The following ROBO2 variants were observed in gnomAD, a reference collection of about 807,000 sequenced individuals.
The protein encoded by ROBO2 is roundabout homolog 2.
A neutral mutation model predicts 160.8 loss-of-function variants in ROBO2; 53 were observed. The ratio of observed to expected loss-of-function variants is 0.33; its 90% confidence interval spans 0.26 to 0.41. The LOEUF (loss-of-function observed/expected upper bound fraction) is 0.41. ROBO2 is among the 10% of genes least tolerant of loss of function. The pLI is 1.00. For missense variants in ROBO2, 1,577 were observed against 1,722.4 expected (o/e 0.92, Z 1.49); for synonymous variants, 664 against 611.7 (o/e 1.09, Z -1.26).
intron 2 of ROBO2, among the ~76,000 whole-genome samples, chr3:76,493,097 C>T (rs2079923856): frequency 6.6e-6 from 1 of 151,870 alleles, no homozygotes; most frequent in African/African-American, 2.4e-5. Context: ...TGTTTTTGCA[C>T]ATATGCATAG....
At chr3:76,834,914 G>A (rs1422190107) in intron 2 of ROBO2, among the ~76,000 whole-genome samples, 1 of 152,116 alleles carries the variant, frequency 6.6e-6, no homozygotes, top group Non-Finnish European at 1.5e-5. Context: ...TGTTTACAGA[G>A]TTCCTGTGGA....
At chr3:76,746,642 C>T (rs996103135) in intron 2 of ROBO2, among the ~76,000 whole-genome samples, 3 of 152,192 alleles carry the variant, frequency 2.0e-5, no homozygotes, top group Non-Finnish European at 4.4e-5. Flanking sequence ...AGCAGCACAT[C>T]AAAAAGCTTA....
chr3:76,029,403 A>G (rs2066845471), intron 2 of ROBO2, among the ~76,000 whole-genome samples: 1 of 152,102 alleles, frequency 6.6e-6, no homozygotes, highest in Non-Finnish European at 1.5e-5. Flanking sequence ...TCTAGGGTAC[A>G]TGTGCACAAT....
intron 2 of ROBO2, among the ~76,000 whole-genome samples, chr3:77,341,469 G>A (rs75699880): frequency 1.3e-5 from 2 of 152,082 alleles, no homozygotes; most frequent in Non-Finnish European, 2.9e-5. Flanking sequence ...TAAGTCTAAT[G>A]TATTTTACTG....
chr3:76,787,633 A>T (rs1347632935), intron 2 of ROBO2, among the ~76,000 whole-genome samples: 2 of 151,490 alleles, frequency 1.3e-5, no homozygotes, highest in East Asian at 3.9e-4. Flanking sequence ...TATTCAAAAA[A>T]GACAAATGAC....
At chr3:76,041,156 A>G (rs911580522) in intron 2 of ROBO2, among the ~76,000 whole-genome samples, 1 of 152,052 alleles carries the variant, frequency 6.6e-6, no homozygotes, top group African/African-American at 2.4e-5. Flanking sequence ...GAGGCTAAGG[A>G]GATGTGTACA....
At chr3:76,024,952 T>TA (rs1553722048) in intron 2 of ROBO2, among the ~76,000 whole-genome samples, 3 of 149,320 alleles carry the variant, frequency 2.0e-5, no homozygotes, top group Admixed American at 1.4e-4. Context: ...TATATATATA[T>TA]TATATATATG....
At chr3:76,570,384 C>T (rs2108593513) in intron 2 of ROBO2, among the ~76,000 whole-genome samples, 1 of 152,238 alleles carries the variant, frequency 6.6e-6, no homozygotes, top group Admixed American at 6.5e-5. Context: ...TTAGTCTAGA[C>T]ACATTTAAGT....
chr3:77,616,687 T>C (rs1165156717), intron 21 of ROBO2, among the ~76,000 whole-genome samples: 1 of 152,170 alleles, frequency 6.6e-6, no homozygotes, highest in Admixed American at 6.5e-5. Flanking sequence ...ATCCATTTGA[T>C]TTATGAAAGT....
chr3:76,148,506 C>T (rs1310510676), intron 2 of ROBO2, among the ~76,000 whole-genome samples: 1 of 152,032 alleles, frequency 6.6e-6, no homozygotes, highest in South Asian at 2.1e-4. Context: ...TTCGTCTGCT[C>T]CCTTTTATAG....
intron 2 of ROBO2, among the ~76,000 whole-genome samples, chr3:76,324,977 C>T (rs932879886): frequency 6.9e-4 from 105 of 152,194 alleles, no homozygotes; most frequent in African/African-American, 2.2e-3. Context: ...GTGGTGGCAG[C>T]GCCTGTAGCC....
At chr3:76,684,151 C>CAACA (rs1159787112) in intron 2 of ROBO2, among the ~76,000 whole-genome samples, 1 of 152,000 alleles carries the variant, frequency 6.6e-6, no homozygotes, top group African/African-American at 2.4e-5. Flanking sequence ...AACAAACAAG[C>CAACA]AACAAACAAA....
At chr3:76,643,444 CCAAA>C (rs2090804736) in intron 2 of ROBO2, among the ~76,000 whole-genome samples, 1 of 152,028 alleles carries the variant, frequency 6.6e-6, no homozygotes, top group African/African-American at 2.4e-5. Context: ...GATACGACAT[CCAAA>C]CAAGTAAAAT....
chr3:77,459,260 C>T (rs1327128173), intron 2 of ROBO2, among the ~76,000 whole-genome samples: 1 of 152,134 alleles, frequency 6.6e-6, no homozygotes, highest in Non-Finnish European at 1.5e-5. Flanking sequence ...ATATTACATT[C>T]CTTACTAAAG....
In ROBO2 at chr3:77,183,235, A is replaced by G. The variant is rs574315791; in HGVS notation, c.388+84895A>G. Among the ~76,000 whole-genome samples the G allele has an allele frequency of 7.2e-5, 11 of 152,164 alleles. No homozygotes were observed. In the South Asian group the frequency reaches 1.2e-3, roughly 17 times the overall value. Reference sequence around the variant, plus strand: ...CCATAAGCTTTAAAAATTTCAGGAAATCTAGAATTCCACATTCTCCAATGT... The same window carrying G: ...CCATAAGCTTTAAAAATTTCAGGAAGTCTAGAATTCCACATTCTCCAATGT... On this transcript the variant is annotated intron_variant, in intron 2 of 25. Coordinates refer to ENST00000461745, the Ensembl canonical transcript of ROBO2.
intron 2 of ROBO2, among the ~76,000 whole-genome samples, chr3:76,971,859 G>T (rs76920765): frequency 0.031 from 4,733 of 152,260 alleles, 226 homozygotes; most frequent in African/African-American, 0.11. Context: ...GTCAGGAAGT[G>T]TGTGGCAAAG....
intron 2 of ROBO2, among the ~76,000 whole-genome samples, chr3:76,004,019 T>C (rs2065956400): frequency 7.2e-5 from 11 of 152,146 alleles, no homozygotes; most frequent in Admixed American, 7.2e-4. Flanking sequence ...TAAATATAAA[T>C]CTATCATATG....
intron 2 of ROBO2, among the ~76,000 whole-genome samples, chr3:76,382,483 A>T (rs1169461359): frequency 6.6e-6 from 1 of 152,196 alleles, no homozygotes; most frequent in Admixed American, 6.5e-5. Context: ...GCTACTCGGG[A>T]GGCTGAGGCA....
intron 2 of ROBO2, among the ~76,000 whole-genome samples, chr3:77,427,378 G>A (rs1025072012): frequency 1.9e-4 from 29 of 152,152 alleles, no homozygotes; most frequent in African/African-American, 6.8e-4. Context: ...CCCTTAAAAT[G>A]GGTGCAATTG....
Sources: gnomAD v4.1 joint callset for allele counts (sites outside exome capture counted in the v4.1 genomes callset) on GRCh38, gnomAD v4.1.1 for gene constraint, MANE v1.5 for transcripts, NCBI Gene and HGNC (gene_info 2026-07-23, HGNC 2026-07-21) for gene names.